Variants in HFM1 observed in about 807,000 individuals in gnomAD.
The protein encoded by HFM1 is helicase for meiosis 1.
A neutral mutation model predicts 192.1 loss-of-function variants in HFM1; 169 were observed. The ratio of observed to expected loss-of-function variants is 0.88; its 90% CI spans 0.78 to 1.00. The LOEUF (loss-of-function observed/expected upper bound fraction) is 1.00, where lower values mean the gene tolerates loss of function less well. Among genes scored for constraint, HFM1 ranks in the 50% least tolerant of loss-of-function variants. The pLI is 0.00. For synonymous variants in HFM1, 525 were observed against 537.8 expected (o/e 0.98, Z 0.33); for missense variants, 1,661 against 1,668.0 (o/e 1.00, Z 0.07).
intron 12 of HFM1, 29 bp from the exon 13 acceptor site, chr1:91,375,475 A>T (rs772159947): frequency 6.2e-7 from 1 of 1,610,290 alleles, no homozygotes. Context: ...CGTTTGTATT[A>T]ATCATGTTAA....
intron 7 of HFM1, 85 bp from the exon 8 acceptor site, chr1:91,380,321 G>T: frequency 2.5e-6 from 2 of 802,244 alleles, no homozygotes; most frequent in Non-Finnish European, 3.7e-6. Context: ...GTCTTAGTAA[G>T]AATCTAAGGA....
At chr1:91,297,002 AC>A (rs1172449142) in intron 30 of HFM1, among the ~76,000 whole-genome samples, 2 of 152,232 alleles carry the variant, frequency 1.3e-5, no homozygotes, top group Non-Finnish European at 2.9e-5. Flanking sequence ...GCATCGCCTC[AC>A]CCGGGAAGCA....
intron 30 of HFM1, among the ~76,000 whole-genome samples, chr1:91,291,645 C>T (rs907122149): frequency 1.3e-4 from 20 of 152,238 alleles, no homozygotes; most frequent in African/African-American, 4.8e-4. Flanking sequence ...TGGTACCATT[C>T]CTTCTGAAAC....
intron 6 of HFM1, 130 bp downstream of exon 6, chr1:91,385,057 C>A (rs1193326962): frequency 3.0e-6 from 2 of 662,722 alleles, no homozygotes; most frequent in Non-Finnish European, 5.1e-6. Context: ...GTACCTCTTA[C>A]AACACCAAAA....
chr1:91,354,185 T>C (rs539091546), intron 13 of HFM1, among the ~76,000 whole-genome samples: 2 of 151,430 alleles, frequency 1.3e-5, no homozygotes, highest in Admixed American at 1.3e-4. Flanking sequence ...AAGAATTAAA[T>C]GAATGAAATC....
In HFM1 at chr1:91,348,718, T is replaced by C. The variant is rs563163130; in HGVS notation, c.2207-1242A>G. On this transcript the variant is annotated intron_variant, in intron 18 of 38. Transcript: ENST00000370425. ...GAGGATTGCTTGAGCCCACAAGTTC[T>C]AGACCAGCCTAGGCAGCATAGGGAA... 3.3e-4 allele frequency among the ~76,000 whole-genome samples: 50 copies of C among 151,722 alleles called. No homozygotes were observed. In the South Asian group the frequency reaches 9.2e-3, roughly 28 times the overall value.
intron 13 of HFM1, among the ~76,000 whole-genome samples, chr1:91,359,357 G>A (rs933538859): frequency 5.3e-5 from 8 of 152,098 alleles, no homozygotes; most frequent in African/African-American, 1.9e-4. Flanking sequence ...TAAGAACCAT[G>A]GTAAAACAGT....
chr1:91,292,148 G>A (rs1200239602), intron 30 of HFM1, among the ~76,000 whole-genome samples: 1 of 151,388 alleles, frequency 6.6e-6, no homozygotes, highest in Non-Finnish European at 1.5e-5. Flanking sequence ...GCACAAGACA[G>A]GGATGCCCTC....
rs771357367 is a variant in HFM1, at chr1:91,315,939, A to G, written c.3016T>C (p.Leu1006=). The change falls in exon 28 of 39, where the codon TTA becomes CTA. Residue 1006 remains leucine, a synonymous_variant. Coordinates refer to ENST00000370425, the MANE Select transcript of HFM1 (RefSeq NM_001017975.6). ...AAATTTCTTAATATAACAGTCACTA[A>G]TATTTCTGCCGTCGTATCACTATAT... ...TRYSDTTAEI[L]VTVILRNFEQ... is the part of the protein sequence containing the mutation. 59 of 1,593,600 alleles carry G rather than the reference A, an allele frequency of 3.7e-5. No individual in the cohort carries two copies. Among genetic ancestry groups the G allele is most frequent in the Non-Finnish European group, 4.8e-5 (56 of 1,162,270 alleles).
intron 1 of HFM1, chr1:91,404,503 G>A (rs1664657682): frequency 4.7e-6 from 1 of 212,986 alleles, no homozygotes. Flanking sequence ...CGACTTTAGG[G>A]GCGGGCCGGA....
chr1:91,355,238 A>G (rs1165563812), intron 13 of HFM1, among the ~76,000 whole-genome samples: 1 of 152,094 alleles, frequency 6.6e-6, no homozygotes, highest in African/African-American at 2.4e-5. Context: ...AGAGAAAGGA[A>G]TCAAAGCTTA....
rs1376646428 is a variant in HFM1, at chr1:91,314,052, A to C, written c.3149T>G (p.Val1050Gly). The C allele has an allele frequency of 6.3e-7, 1 of 1,599,318 alleles. No homozygotes were observed. The highest frequency in any genetic ancestry group is 8.6e-7 in the Non-Finnish European group (1 of 1,168,268). Reference protein sequence around the residue: ...VVYLHKITDSVLLKAGSWAKK... With the variant: ...VVYLHKITDSGLLKAGSWAKK... The stretch of plus-strand genomic sequence containing the variant: ...AGCCCAACTTCCAGCTTTTAGCAAA[A>C]CAGAATCCCTGAAAAATAGTATAGT... The change falls in exon 29 of 39, where the codon GTT becomes GGT. Residue 1050 changes from valine (V) to glycine (G), a missense_variant. Val to Gly is a moderately radical substitution (Grantham distance 109). Coordinates refer to ENST00000370425, the MANE Select transcript of HFM1 (RefSeq NM_001017975.6).
chr1:91,331,335 AC>A (rs1484927880), intron 20 of HFM1, among the ~76,000 whole-genome samples: 40 of 152,304 alleles, frequency 2.6e-4, no homozygotes, highest in African/African-American at 9.1e-4. Context: ...AACAGTGAAA[AC>A]TCTGAAAAAG....
intron 13 of HFM1, among the ~76,000 whole-genome samples, chr1:91,362,544 G>A (rs1206416522): frequency 6.6e-6 from 1 of 152,084 alleles, no homozygotes; most frequent in Non-Finnish European, 1.5e-5. Flanking sequence ...AAATCAAAGT[G>A]GATACAAGCA....
At chr1:91,293,485 A>G (rs1432358879) in intron 30 of HFM1, among the ~76,000 whole-genome samples, 2 of 151,876 alleles carry the variant, frequency 1.3e-5, no homozygotes, top group African/African-American at 4.8e-5. Context: ...AATGCAAATC[A>G]AAACCACAAT....
In HFM1 at chr1:91,313,407, T is replaced by C; in HGVS notation, c.3333A>G (p.Glu1111=). ...AATGTTTAGAATGGGAAATCTGTGT[T>C]TCAGATTTTCTTTGCATAGTGATTT... ...GNQITMQRKS[E]TQISHSKHSD... The change falls in exon 30 of 39, where the codon GAA becomes GAG. Residue 1111 remains glutamate (E), a synonymous_variant. Transcript: ENST00000370425. 6.3e-7 allele frequency: 1 copy of C among 1,595,982 alleles called. No individual in the cohort carries two copies. Among genetic ancestry groups the C allele is most frequent in the Non-Finnish European group, 8.6e-7 (1 of 1,165,556 alleles).
At chr1:91,391,915 C>A (rs1163239869) in intron 4 of HFM1, among the ~76,000 whole-genome samples, 1 of 152,100 alleles carries the variant, frequency 6.6e-6, no homozygotes, top group African/African-American at 2.4e-5. Flanking sequence ...AATCAAACAA[C>A]CCCATTAAAA....
Position 91,267,795 on chromosome 1 carries a change from T to C in HFM1, c.3833A>G (p.Asn1278Ser), listed in dbSNP as rs768151592. 1 of 1,581,822 alleles carries C rather than the reference T, an allele frequency of 6.3e-7. No homozygotes were observed. Among genetic ancestry groups the C allele is most frequent in the South Asian group, 1.2e-5 (1 of 84,834 alleles). Residue 1278 changes from asparagine (N) to serine (S), a missense_variant, in exon 35 of 39, where the codon AAC becomes AGC. Transcript: ENST00000370425. ...NEVWDDFDDE[N>S]LEVTSFSTDT... Reference sequence around the variant, plus strand: ...AGTTGAAAAGCTAGTAACTTCTAAGTTTTCATCATCAAAATCATCCCAAAC... The same window carrying C: ...AGTTGAAAAGCTAGTAACTTCTAAGCTTTCATCATCAAAATCATCCCAAAC...
intron 13 of HFM1, among the ~76,000 whole-genome samples, chr1:91,360,727 T>C (rs921158254): frequency 2.0e-5 from 3 of 152,078 alleles, no homozygotes; most frequent in African/African-American, 7.2e-5. Flanking sequence ...TCCACTCAAA[T>C]TCAACAGAAT....
Sources: gnomAD v4.1 joint callset for allele counts (sites outside exome capture counted in the v4.1 genomes callset) on GRCh38, gnomAD v4.1.1 for gene constraint, MANE v1.5 for transcripts, NCBI Gene and HGNC (gene_info 2026-07-23, HGNC 2026-07-21) for gene names.